Variants in RAD54B observed in about 807,000 individuals in gnomAD.
RAD54B encodes the protein DNA repair and recombination protein RAD54B.
Under a neutral mutation model 95.8 loss-of-function variants are expected in RAD54B, and 78 were observed. The observed-to-expected ratio is 0.81, with a 90% confidence interval of 0.68 to 0.98. The LOEUF (loss-of-function observed/expected upper bound fraction) is 0.98. RAD54B is among the 50% of genes least tolerant of loss of function. RAD54B has a pLI of 0.00. For missense variants in RAD54B, 957 were observed against 1,056.6 expected, an observed-to-expected ratio of 0.91 and a Z score of 1.31; for synonymous variants, 328 against 354.9, an observed-to-expected ratio of 0.92 and a Z score of 0.85.
chr8:94,429,029 T>A, intron 3 of RAD54B: 1 of 983,878 alleles, frequency 1.0e-6, no homozygotes, highest in Non-Finnish European at 1.2e-6. Context: ...ATGAGGAGAA[T>A]TATATGCATT....
chr8:94,410,315 A>G (rs930949101), intron 4 of RAD54B, among the ~76,000 whole-genome samples: 17 of 152,176 alleles, frequency 1.1e-4, no homozygotes, highest in Non-Finnish European at 2.9e-5. Flanking sequence ...TTATGCTCCA[A>G]CTGCATTTAG....
intron 13 of RAD54B, 47 bp from the exon 14 acceptor site, chr8:94,378,427 T>C (rs1417094468): frequency 1.9e-6 from 3 of 1,549,984 alleles, no homozygotes; most frequent in Non-Finnish European, 2.6e-6. Flanking sequence ...TTTATGTTCA[T>C]TATTTTTGTT....
intron 5 of RAD54B, among the ~76,000 whole-genome samples, chr8:94,405,461 T>C (rs1397618604): frequency 2.0e-5 from 3 of 152,194 alleles, no homozygotes; most frequent in African/African-American, 7.2e-5. Flanking sequence ...AATAAGAGTT[T>C]AGTCATGTTT....
chr8:94,379,848 T>G (rs1354729009), intron 12 of RAD54B, among the ~76,000 whole-genome samples: 21 of 152,230 alleles, frequency 1.4e-4, no homozygotes, highest in Admixed American at 1.4e-3. Context: ...AACTCTGCAG[T>G]AAACTAGAAC....
At chr8:94,448,659 A>G (rs1036235219) in intron 3 of RAD54B, among the ~76,000 whole-genome samples, 4 of 151,334 alleles carry the variant, frequency 2.6e-5, no homozygotes, top group African/African-American at 9.7e-5. Context: ...AGAAAGAAAA[A>G]TACTGCATCT....
At chr8:94,462,389 C>T (rs1196769376) in intron 2 of RAD54B, among the ~76,000 whole-genome samples, 1 of 152,190 alleles carries the variant, frequency 6.6e-6, no homozygotes, top group Non-Finnish European at 1.5e-5. Context: ...ATCATTACTT[C>T]TACTTCTATG....
At chr8:94,433,015 C>A (rs1013595831) in intron 3 of RAD54B, among the ~76,000 whole-genome samples, 1 of 152,118 alleles carries the variant, frequency 6.6e-6, no homozygotes, top group African/African-American at 2.4e-5. Context: ...TGTACAGAGC[C>A]ATTTAATGCA....
intron 3 of RAD54B, among the ~76,000 whole-genome samples, chr8:94,447,060 T>C (rs1306242950): frequency 6.6e-6 from 1 of 152,176 alleles, no homozygotes; most frequent in Admixed American, 6.5e-5. Context: ...GTTACAGCAT[T>C]TAAATATCTC....
chr8:94,464,194 C>T (rs1391244066), intron 2 of RAD54B, among the ~76,000 whole-genome samples: 1 of 152,122 alleles, frequency 6.6e-6, no homozygotes, highest in Admixed American at 6.5e-5. Flanking sequence ...AGGACCAGGA[C>T]CTTGAAACGG....
In RAD54B at chr8:94,474,163, T is replaced by C. The variant is rs183375799; in HGVS notation, c.-17+838A>G. 4.9e-3 allele frequency among the ~76,000 whole-genome samples: 741 copies of C among 152,230 alleles called. 8 individuals are homozygous for C. Among genetic ancestry groups the C allele is most frequent in the African/African-American group, 0.017 (704 of 41,520 alleles). On this transcript the variant is annotated intron_variant, in intron 1 of 14. Transcript: ENST00000336148. ...CTCACTTATAAATGGGAGCTAAACA[T>C]TGGGCATTCATGAACATAAAGATGG...
intron 4 of RAD54B, among the ~76,000 whole-genome samples, chr8:94,408,789 C>A (rs1213803849): frequency 6.6e-6 from 1 of 152,122 alleles, no homozygotes; most frequent in African/African-American, 2.4e-5. Flanking sequence ...TTTATCTTCA[C>A]ATAAAATCCA....
chr8:94,378,047 A>G, intron 14 of RAD54B, 133 bp downstream of exon 14: 5 of 586,378 alleles, frequency 8.5e-6, no homozygotes, highest in Non-Finnish European at 1.4e-5. Flanking sequence ...CAGCTGCCCT[A>G]TGAGCTGAGA....
At position 94,466,166 on chromosome 8, in the gene RAD54B, T is replaced by C. The variant is rs539196446; in HGVS notation, c.135+1239A>G. Among the ~76,000 whole-genome samples, 3 of 152,310 alleles carry C rather than the reference T, an allele frequency of 2.0e-5. 1 individual carries two copies. In the East Asian group the frequency reaches 5.8e-4, roughly 29 times the overall value. ...AAATGGTAATGTGGCAAATTTTATG[T>C]TACATACGCTTAACCACAATAAAAA... On this transcript the variant is annotated intron_variant, in intron 2 of 14. Coordinates refer to ENST00000336148, the MANE Select transcript of RAD54B (RefSeq NM_012415.3).
chr8:94,470,452 A>G (rs528186357), intron 1 of RAD54B, among the ~76,000 whole-genome samples: 80 of 152,158 alleles, frequency 5.3e-4, no homozygotes, highest in Non-Finnish European at 1.0e-3. Context: ...AAAATTAGCC[A>G]GGCGTGGTGG....
intron 3 of RAD54B, among the ~76,000 whole-genome samples, chr8:94,415,904 T>G (rs1193940750): frequency 6.6e-6 from 1 of 152,098 alleles, no homozygotes. Context: ...ATAGGAACAC[T>G]TACACTGTTA....
At chr8:94,450,385 A>G (rs899187221) in intron 3 of RAD54B, among the ~76,000 whole-genome samples, 1 of 152,196 alleles carries the variant, frequency 6.6e-6, no homozygotes, top group Admixed American at 6.5e-5. Context: ...CAAAAGGTTG[A>G]CATGATAGGT....
At chr8:94,457,019 A>T (rs554203981) in intron 3 of RAD54B, among the ~76,000 whole-genome samples, 1 of 152,328 alleles carries the variant, frequency 6.6e-6, no homozygotes, top group East Asian at 1.9e-4. Flanking sequence ...CAAATTTAGC[A>T]GGGAAGAGAA....
chr8:94,466,217 T>G (rs10216796), intron 2 of RAD54B, among the ~76,000 whole-genome samples: 1,973 of 152,256 alleles, frequency 0.013, 48 homozygotes, highest in African/African-American at 0.045. Context: ...TTAATAGACT[T>G]TAATCCCTAT....
chr8:94,436,040 T>C (rs1426781551), intron 3 of RAD54B, among the ~76,000 whole-genome samples: 1 of 152,130 alleles, frequency 6.6e-6, no homozygotes, highest in African/African-American at 2.4e-5. Flanking sequence ...ATTCAATAAG[T>C]GTAGACAATG....
Sources: gnomAD v4.1 joint callset for allele counts (sites outside exome capture counted in the v4.1 genomes callset) on GRCh38, gnomAD v4.1.1 for gene constraint, MANE v1.5 for transcripts, NCBI Gene and HGNC (gene_info 2026-07-23, HGNC 2026-07-21) for gene names.